The following HCN3 variants were observed in gnomAD, a reference collection of about 807,000 sequenced individuals.
HCN3 encodes the protein hyperpolarization activated cyclic nucleotide gated potassium channel 3, also known as potassium/sodium hyperpolarization-activated cyclic nucleotide-gated channel 3.
A neutral mutation model predicts 56.8 loss-of-function variants in HCN3; 36 were observed. The observed-to-expected ratio is 0.63, with a 90% CI of 0.49 to 0.84. HCN3 has a LOEUF of 0.84. Among genes scored for constraint, HCN3 ranks in the 40% least tolerant of loss-of-function variants. HCN3 has a pLI of 0.00. For synonymous variants in HCN3, 425 were observed against 439.7 expected (o/e 0.97, Z 0.42); for missense variants, 930 against 1,079.3 (o/e 0.86, Z 1.94).
Position 155,282,550 on chromosome 1 carries a change from G to C in HCN3, c.418G>C (p.Asp140His), listed in dbSNP as rs751215604. 2 of 1,614,118 alleles carry C rather than the reference G, an allele frequency of 1.2e-6. No homozygotes were observed. The highest frequency in any genetic ancestry group is 2.7e-5 in the African/African-American group (2 of 74,928). ...NVLSDTFFLLDLVLNFRTGIV... is the reference protein window; with the variant it reads ...NVLSDTFFLLHLVLNFRTGIV... ...ATTGTCTGATACTTTCTTCCTACTGGATCTGGTGCTCAACTTCCGAACGGG... is the reference window on the plus strand; with the variant it reads ...ATTGTCTGATACTTTCTTCCTACTGCATCTGGTGCTCAACTTCCGAACGGG... The change falls in exon 2 of 8, where the codon GAT becomes CAT. Residue 140 changes from aspartate to histidine, a missense_variant. By Grantham distance (81) the Asp-to-His change is moderately conservative. Transcript: ENST00000368358. This position sits in a 1 kb window ranked among gnomAD's most constrained non-coding sequence, Gnocchi z 4.7.
rs750938319 is a variant in HCN3, at chr1:155,288,534, G to A, written c.*71G>A. On this transcript the variant is annotated 3_prime_UTR_variant, in exon 8 of 8. Coordinates refer to ENST00000368358, the MANE Select transcript of HCN3 (RefSeq NM_020897.3). This position sits in a 1 kb window ranked among gnomAD's most constrained non-coding sequence, Gnocchi z 6.5. ...GTACCCAAGGGCAGATGCCTCTTGGGGAAGGCCATGGGGACCTGAAACATT... is the reference window on the plus strand; with the variant it reads ...GTACCCAAGGGCAGATGCCTCTTGGAGAAGGCCATGGGGACCTGAAACATT... 326 of 1,505,494 alleles carry A rather than the reference G, an allele frequency of 2.2e-4. No homozygotes were observed. Among genetic ancestry groups the A allele is most frequent in the Non-Finnish European group, 2.8e-4 (315 of 1,125,328 alleles). The allele number at this position is 1,505,494 out of a possible 1,614,324, so 93.3% of individuals were successfully genotyped here. A position where few individuals can be genotyped will look rare whatever the true frequency, so the allele number is the denominator to read the frequency against.
chr1:155,285,541 C>T lies in HCN3; in HGVS notation c.1237-183C>T, dbSNP rs543870878. Among the ~76,000 whole-genome samples the T allele has an allele frequency of 1.4e-4, 22 of 152,332 alleles. No homozygotes were observed. The South Asian group carries it at 4.6e-3, about 32-fold the overall frequency. ...GGATCTCTGTTTTTGGGGGATGGTC[C>T]TGCAAGGGCTCATGGGAAAGATCTG... On this transcript the variant is annotated intron_variant, in intron 5 of 7. Transcript: ENST00000368358. This position sits in a 1 kb window ranked among gnomAD's most constrained non-coding sequence, Gnocchi z 4.5.
chr1:155,282,763 C>G lies in HCN3; in HGVS notation c.631C>G (p.Arg211Gly). 1 of 1,614,076 alleles carries G rather than the reference C, an allele frequency of 6.2e-7. No individual in the cohort carries two copies. Among genetic ancestry groups the G allele is most frequent in the Non-Finnish European group, 8.5e-7 (1 of 1,180,016 alleles). ...YKTARALRIV[R>G]FTKILSLLRL... ...AACGGCACGGGCCCTACGCATCGTTCGCTTCACCAAGATCCTAAGCCTGCT... is the reference window on the plus strand; with the variant it reads ...AACGGCACGGGCCCTACGCATCGTTGGCTTCACCAAGATCCTAAGCCTGCT... The change falls in exon 2 of 8, where the codon CGC becomes GGC. Residue 211 changes from arginine (R) to glycine (G), a missense_variant. Transcript: ENST00000368358. This position sits in a 1 kb window ranked among gnomAD's most constrained non-coding sequence, Gnocchi z 4.7.
In HCN3 at chr1:155,282,884, TG is replaced by T; in HGVS notation, c.708+49del. 4.3e-6 allele frequency: 1 copy of T among 235,264 alleles called. No homozygotes were observed. 14.6% of individuals were successfully genotyped at this position (235,264 alleles called of 1,614,324 possible). Reference sequence around the variant, plus strand: ...GGGCGGGGCAGTGGGTGGGGGATGTTGGGGGAGAAGGGGGCGGGGCGGCTGG... The same window carrying T: ...GGGCGGGGCAGTGGGTGGGGGATGTTGGGGAGAAGGGGGCGGGGCGGCTGG... On this transcript the variant is annotated intron_variant, in intron 2 of 7. Coordinates refer to ENST00000368358, the MANE Select transcript of HCN3 (RefSeq NM_020897.3). The surrounding 1 kb of genome is among the most constrained non-coding windows in gnomAD (Gnocchi z 4.7).
In HCN3 at chr1:155,285,252, C is replaced by T; in HGVS notation, c.1177C>T (p.Gln393Ter). ...RIHEYYEHRY[Q>*]GKMFDEESIL... ...CCACGAGTACTATGAGCACCGCTACCAGGGCAAGATGTTCGATGAGGAAAG... is the reference window on the plus strand; with the variant it reads ...CCACGAGTACTATGAGCACCGCTACTAGGGCAAGATGTTCGATGAGGAAAG... Residue 393 changes from glutamine to a stop codon, truncating the protein, a stop_gained, in exon 5 of 8, where the codon CAG becomes TAG. Transcript: ENST00000368358. LOFTEE classifies it high-confidence loss of function. This position sits in a 1 kb window ranked among gnomAD's most constrained non-coding sequence, Gnocchi z 4.5. 6.2e-7 allele frequency: 1 copy of T among 1,614,114 alleles called. No homozygotes were observed. Among genetic ancestry groups the T allele is most frequent in the Non-Finnish European group, 8.5e-7 (1 of 1,180,048 alleles).
In HCN3 at chr1:155,288,582, G is replaced by T. The variant is rs1674401272; in HGVS notation, c.*119G>T. The T allele has an allele frequency of 1.5e-6, 2 of 1,313,950 alleles. No homozygotes were observed. Among genetic ancestry groups the T allele is most frequent in the Non-Finnish European group, 1.0e-6 (1 of 964,530 alleles). 81.4% of individuals were successfully genotyped at this position (1,313,950 alleles called of 1,614,324 possible). A position where few individuals can be genotyped will look rare whatever the true frequency, so the allele number is the denominator to read the frequency against. On this transcript the variant is annotated 3_prime_UTR_variant, in exon 8 of 8. Transcript: ENST00000368358. The surrounding 1 kb of genome is among the most constrained non-coding windows in gnomAD (Gnocchi z 6.5). ...ATTGCCCCATGGAAATGTCGACCCTGTGCGGACATTCCGCATACTGCCATG... is the reference window on the plus strand; with the variant it reads ...ATTGCCCCATGGAAATGTCGACCCTTTGCGGACATTCCGCATACTGCCATG...
At chr1:155,279,577 C>T (rs1206609443) in intron 1 of HCN3, among the ~76,000 whole-genome samples, 1 of 152,146 alleles carries the variant, frequency 6.6e-6, no homozygotes, top group Non-Finnish European at 1.5e-5. Context: ...GATGAGCAAA[C>T]CTCAGCAGAG....
At chr1:155,283,069 T>C (rs934464071) in intron 2 of HCN3, among the ~76,000 whole-genome samples, 13 of 151,924 alleles carry the variant, frequency 8.6e-5, no homozygotes, top group African/African-American at 3.1e-4. Context: ...GTGAAGATGG[T>C]GGCACAGGAG....
Position 155,277,468 on chromosome 1 carries a change from C to G in HCN3, c.-123C>G. On this transcript the variant is annotated 5_prime_UTR_variant, in exon 1 of 8. Coordinates refer to ENST00000368358, the MANE Select transcript of HCN3 (RefSeq NM_020897.3). ...CCTCCGCCCCGCGCGCCGGCGATTC[C>G]GAGCCTACGACGCCTCCGCTAGAGC... 1 of 1,256,352 alleles carries G rather than the reference C, an allele frequency of 8.0e-7. No individual in the cohort carries two copies. Among genetic ancestry groups the G allele is most frequent in the Non-Finnish European group, 1.1e-6 (1 of 937,840 alleles). 77.8% of individuals were successfully genotyped at this position (1,256,352 alleles called of 1,614,324 possible).
At chr1:155,286,847 T>A (rs1236326930) in intron 6 of HCN3, among the ~76,000 whole-genome samples, 1 of 152,032 alleles carries the variant, frequency 6.6e-6, no homozygotes, top group Non-Finnish European at 1.5e-5. Flanking sequence ...GGTCTACCTC[T>A]TGGGATTGAG....
Position 155,288,542 on chromosome 1 carries a change from A to C in HCN3, c.*79A>C. The C allele has an allele frequency of 2.7e-6, 4 of 1,495,054 alleles. No individual in the cohort carries two copies. The highest frequency in any genetic ancestry group is 3.6e-6 in the Non-Finnish European group (4 of 1,116,338). The allele number at this position is 1,495,054 out of a possible 1,614,324, so 92.6% of individuals were successfully genotyped here. ...GGGCAGATGCCTCTTGGGGAAGGCC[A>C]TGGGGACCTGAAACATTGCCCCATG... On this transcript the variant is annotated 3_prime_UTR_variant, in exon 8 of 8. Coordinates refer to ENST00000368358, the MANE Select transcript of HCN3 (RefSeq NM_020897.3). This position sits in a 1 kb window ranked among gnomAD's most constrained non-coding sequence, Gnocchi z 6.5.
rs1165703315 is a variant in HCN3 at position 155,282,466 on chromosome 1, C to A, written c.334C>A (p.Pro112Thr). ...LLMVGNLIVLPVGITFFKEEN... is the reference protein window; with the variant it reads ...LLMVGNLIVLTVGITFFKEEN... ...GATGGTGGGGAACCTCATCGTCCTG[C>A]CTGTGGGCATCACCTTCTTCAAGGA... The change falls in exon 2 of 8, where the codon CCT (proline) becomes ACT (threonine). Residue 112 changes from proline (P) to threonine (T), a missense_variant. Transcript: ENST00000368358. This position sits in a 1 kb window ranked among gnomAD's most constrained non-coding sequence, Gnocchi z 4.7. 1 of 1,614,230 alleles carries A rather than the reference C, an allele frequency of 6.2e-7. No homozygotes were observed. Among genetic ancestry groups the A allele is most frequent in the Admixed American group, 1.7e-5 (1 of 60,030 alleles).
At position 155,282,671 on chromosome 1, in the gene HCN3, C is replaced by CT; in HGVS notation, c.540dup (p.Ile181TyrfsTer19). On this transcript the variant is annotated frameshift_variant, in exon 2 of 8. Transcript: ENST00000368358. LOFTEE classifies it high-confidence loss of function. This position sits in a 1 kb window ranked among gnomAD's most constrained non-coding sequence, Gnocchi z 4.7. ...TGGTTCCTGGTTGACCTCATCTCTT[C>CT]TATCCCTGTGGATTACATCTTCCTA... is the stretch of plus-strand genomic sequence containing the variant. 6.2e-7 allele frequency: 1 copy of CT among 1,614,260 alleles called. No homozygotes were observed. Among genetic ancestry groups the CT allele is most frequent in the Non-Finnish European group, 8.5e-7 (1 of 1,180,050 alleles).
Position 155,288,234 on chromosome 1 carries a change from G to C in HCN3, c.2096G>C (p.Gly699Ala), listed in dbSNP as rs751669488. The part of the protein sequence containing the change: ...SQVSLLGPPP[G>A]GGGRRLGPRG... Reference sequence around the variant, plus strand: ...GTCTCCCTGCTGGGTCCCCCTCCAGGAGGAGGTGGACGGCGGCTAGGACCT... The same window carrying C: ...GTCTCCCTGCTGGGTCCCCCTCCAGCAGGAGGTGGACGGCGGCTAGGACCT... The change falls in exon 8 of 8, where the codon GGA (glycine) becomes GCA (alanine). Residue 699 changes from glycine (G) to alanine (A), a missense_variant. Gly to Ala is a moderately conservative substitution (Grantham distance 60, BLOSUM62 0). Coordinates refer to ENST00000368358, the MANE Select transcript of HCN3 (RefSeq NM_020897.3). The surrounding 1 kb of genome is among the most constrained non-coding windows in gnomAD (Gnocchi z 6.5). 6.3e-7 allele frequency: 1 copy of C among 1,583,916 alleles called. No individual in the cohort carries two copies. Among genetic ancestry groups the C allele is most frequent in the South Asian group, 1.1e-5 (1 of 89,064 alleles).
chr1:155,286,081 C>T (rs1674276085), intron 6 of HCN3, 117 bp downstream of exon 6: 1 of 1,355,230 alleles, frequency 7.4e-7, no homozygotes, highest in African/African-American at 1.5e-5. Context: ...TCCAGCCCCT[C>T]CCCAGGCCTA....
chr1:155,279,492 T>C (rs990915065), intron 1 of HCN3, among the ~76,000 whole-genome samples: 2 of 152,204 alleles, frequency 1.3e-5, no homozygotes, highest in African/African-American at 4.8e-5. Flanking sequence ...TTTGAGGTTC[T>C]GTGGAGGGGG....
chr1:155,287,142 G>A (rs1468397324), intron 6 of HCN3, 31 bp from the exon 7 acceptor site: 3 of 1,607,056 alleles, frequency 1.9e-6, no homozygotes, highest in Non-Finnish European at 1.7e-6. Context: ...GACAAGGACG[G>A]GGTTCTGAAG....
At chr1:155,281,214 G>GC (rs1199354581) in intron 1 of HCN3, among the ~76,000 whole-genome samples, 2 of 151,614 alleles carry the variant, frequency 1.3e-5, no homozygotes, top group African/African-American at 2.4e-5. Flanking sequence ...GGGACTACAG[G>GC]TGTGCACCAC....
At position 155,287,299 on chromosome 1, in the gene HCN3, C is replaced by T; in HGVS notation, c.1604C>T (p.Ala535Val). ...GAGGAGTTCCCCATGATGCGCCGGG[C>T]CTTTGAGACTGTGGCCATGGATCGG... is the stretch of plus-strand genomic sequence containing the variant. ...VLEEFPMMRR[A>V]FETVAMDRLL... The change falls in exon 7 of 8, where the codon GCC becomes GTC. Residue 535 changes from alanine (A) to valine (V), a missense_variant. Transcript: ENST00000368358. 6.2e-7 allele frequency: 1 copy of T among 1,614,004 alleles called. No individual in the cohort carries two copies. Among genetic ancestry groups the T allele is most frequent in the Non-Finnish European group, 8.5e-7 (1 of 1,179,940 alleles).
Sources: allele counts gnomAD v4.1 joint callset (sites outside exome capture counted in the v4.1 genomes callset), GRCh38; gene constraint gnomAD v4.1.1; non-coding constraint Gnocchi (gnomAD v3.1); transcripts MANE v1.5; gene names NCBI Gene and HGNC (gene_info 2026-07-23, HGNC 2026-07-21).